The following ECT2 variants were observed in gnomAD, a reference collection of about 807,000 sequenced individuals.
The protein encoded by ECT2 is protein ECT2.
A neutral mutation model predicts 116.9 loss-of-function variants in ECT2; 61 were observed. The ratio of observed to expected loss-of-function variants is 0.52; its 90% confidence interval spans 0.42 to 0.65. The LOEUF is 0.65. ECT2 is among the 30% of genes least tolerant of loss of function. ECT2 has a pLI of 0.00. For missense variants in ECT2, 937 were observed against 1,078.7 expected (o/e 0.87, Z 1.84); for synonymous variants, 358 against 346.4 (o/e 1.03, Z -0.37).
At chr3:172,828,810 TG>T in the ECT2 span, 1 of 738,718 alleles carries the variant, frequency 1.4e-6, no homozygotes. Context: ...ACGCCCAGAA[TG>T]GCATAGGAGA....
intron 18 of ECT2, among the ~76,000 whole-genome samples, chr3:172,792,459 T>C (rs1212422088): frequency 2.0e-5 from 3 of 151,916 alleles, no homozygotes; most frequent in African/African-American, 7.2e-5. Flanking sequence ...GGCTTTTTTT[T>C]TTTTTTATAC....
intron 14 of ECT2, among the ~76,000 whole-genome samples, chr3:172,779,344 G>A (rs1303121818): frequency 6.6e-6 from 1 of 152,002 alleles, no homozygotes; most frequent in Non-Finnish European, 1.5e-5. Flanking sequence ...TTCTTGATGT[G>A]TGTGGGCTGT....
chr3:172,776,869 G>GT (rs71635743), intron 14 of ECT2, among the ~76,000 whole-genome samples: 26 of 146,670 alleles, frequency 1.8e-4, no homozygotes, highest in Non-Finnish European at 3.5e-4. Flanking sequence ...GAAAAAACGG[G>GT]TTTGTTTTTT....
At chr3:172,786,377 A>C in intron 17 of ECT2, 116 bp from the exon 18 acceptor site, 1 of 644,912 alleles carries the variant, frequency 1.6e-6, no homozygotes, top group East Asian at 2.8e-5. Context: ...CTTTTTAAAA[A>C]ATAAGGATTG....
chr3:172,755,395 G>GT (rs753211901), intron 3 of ECT2, 21 bp downstream of exon 3: 86 of 1,579,238 alleles, frequency 5.4e-5, no homozygotes, highest in Admixed American at 2.0e-4. Flanking sequence ...TTAGGTTTTA[G>GT]TTTTTTTTGT....
chr3:172,788,803 T>TAA (rs1413309839), intron 18 of ECT2, among the ~76,000 whole-genome samples: 1 of 152,230 alleles, frequency 6.6e-6, no homozygotes, highest in Non-Finnish European at 1.5e-5. Flanking sequence ...CTCACGCCTG[T>TAA]AATCCCAACA....
chr3:172,762,748 A>G lies in ECT2; in HGVS notation c.947A>G (p.Asn316Ser). ...ERCTHLVVEENIVKDLPFEPS... is the reference protein window; with the variant it reads ...ERCTHLVVEESIVKDLPFEPS... The stretch of plus-strand genomic sequence containing the variant: ...TGCACTCACCTTGTAGTTGAAGAGA[A>G]TATAGTAAAAGATCTTCCCTTTGAA... The change falls in exon 10 of 25, where the codon AAT (asparagine) becomes AGT (serine). Residue 316 changes from asparagine to serine, a missense_variant. Coordinates refer to ENST00000392692, the MANE Select transcript of ECT2 (RefSeq NM_001258315.2). 1 of 1,613,316 alleles carries G rather than the reference A, an allele frequency of 6.2e-7. No individual in the cohort carries two copies. The highest frequency in any genetic ancestry group is 8.5e-7 in the Non-Finnish European group (1 of 1,179,676).
intron 15 of ECT2, among the ~76,000 whole-genome samples, chr3:172,783,491 A>G (rs1723074678): frequency 6.6e-6 from 1 of 152,082 alleles, no homozygotes; most frequent in African/African-American, 2.4e-5. Flanking sequence ...TGTAATTGAT[A>G]TTTTTTAAAG....
rs1715604665 is a variant in ECT2 at position 172,750,793 on chromosome 3, TGG to T, written c.-86_-85del. ...GGTTGTGGCGGCCGCCGGCGAGGAA[TGG>T]CGGTATTTGTGAGAGGAGTCGGCGT... is the stretch of plus-strand genomic sequence containing the variant. On this transcript the variant is annotated 5_prime_UTR_variant, in exon 1 of 25. It removes an upstream start codon present in the reference 5' UTR. Coordinates refer to ENST00000392692, the MANE Select transcript of ECT2 (RefSeq NM_001258315.2). 1 of 152,966 alleles carries T rather than the reference TGG, an allele frequency of 6.5e-6. No individual in the cohort carries two copies. The highest frequency in any genetic ancestry group is 2.4e-5 in the African/African-American group (1 of 41,434). 9.5% of individuals were successfully genotyped at this position (152,966 alleles called of 1,614,324 possible).
At chr3:172,754,271 A>T (rs1716503492) in intron 1 of ECT2, among the ~76,000 whole-genome samples, 1 of 152,142 alleles carries the variant, frequency 6.6e-6, no homozygotes. Context: ...ATGTCTAGTA[A>T]TGTTCTATGT....
intron 18 of ECT2, among the ~76,000 whole-genome samples, chr3:172,795,491 CATT>C (rs1050729814): frequency 6.6e-6 from 1 of 152,200 alleles, no homozygotes; most frequent in East Asian, 1.9e-4. Flanking sequence ...TTTAAACTAA[CATT>C]ATTATTGATT....
chr3:172,769,238 A>G, intron 13 of ECT2, 95 bp downstream of exon 13: 1 of 1,232,558 alleles, frequency 8.1e-7, no homozygotes, highest in Non-Finnish European at 1.1e-6. Context: ...AATTATATAA[A>G]CATAGTATTT....
At chr3:172,761,501 A>C in intron 7 of ECT2, 109 bp from the exon 8 acceptor site, 1 of 673,176 alleles carries the variant, frequency 1.5e-6, no homozygotes, top group Non-Finnish European at 2.6e-6. Flanking sequence ...TTTTGTTACA[A>C]AGCAGATAGT....
intron 18 of ECT2, among the ~76,000 whole-genome samples, chr3:172,797,374 T>C (rs1415695076): frequency 1.3e-5 from 2 of 152,170 alleles, no homozygotes; most frequent in Non-Finnish European, 2.9e-5. Context: ...CACATGATTT[T>C]CAGGTCATAC....
chr3:172,826,972 G>A, the ECT2 span, among the ~76,000 whole-genome samples: 1 of 152,160 alleles, frequency 6.6e-6, no homozygotes, highest in Non-Finnish European at 1.5e-5. Flanking sequence ...TTTAAAATAG[G>A]TGAAAGATTT....
At chr3:172,812,128 C>T (rs370368641) in intron 22 of ECT2, among the ~76,000 whole-genome samples, 14 of 151,888 alleles carry the variant, frequency 9.2e-5, no homozygotes, top group African/African-American at 3.1e-4. Flanking sequence ...GGATTGCAGA[C>T]GTGCACGACC....
intron 13 of ECT2, among the ~76,000 whole-genome samples, chr3:172,772,635 AAC>A (rs1380075593): frequency 6.6e-6 from 1 of 152,206 alleles, no homozygotes; most frequent in Non-Finnish European, 1.5e-5. Context: ...AGTCTAATTT[AAC>A]AGTTTTTTTC....
Position 172,764,306 on chromosome 3 carries a change from T to G in ECT2, c.1097T>G (p.Val366Gly). Residue 366 changes from valine (V) to glycine (G), a missense_variant, in exon 12 of 25, where the codon GTG becomes GGG. By Grantham distance (109) the Val-to-Gly change is moderately radical. Coordinates refer to ENST00000392692, the MANE Select transcript of ECT2 (RefSeq NM_001258315.2). ...KANTPELKKS[V>G]SMLSLNTPNS... ...AATACTCCTGAGCTCAAGAAATCAG[T>G]GTCAATGCTTTCTCTAAATACCCCT... is the stretch of plus-strand genomic sequence containing the variant. The G allele has an allele frequency of 6.2e-7, 1 of 1,614,122 alleles. No homozygotes were observed. The highest frequency in any genetic ancestry group is 8.5e-7 in the Non-Finnish European group (1 of 1,179,974).
chr3:172,824,749 C>T (rs1730801748), downstream of ECT2, among the ~76,000 whole-genome samples: 1 of 152,104 alleles, frequency 6.6e-6, no homozygotes, highest in Admixed American at 6.5e-5. Flanking sequence ...CAGAGTACTC[C>T]ACTGTGTGAG....
Sources: allele counts gnomAD v4.1 joint callset (sites outside exome capture counted in the v4.1 genomes callset), GRCh38; gene constraint gnomAD v4.1.1; transcripts MANE v1.5; gene names NCBI Gene and HGNC (gene_info 2026-07-23, HGNC 2026-07-21).